The following ACOX2 variants were observed in gnomAD, a reference collection of about 807,000 sequenced individuals.
The protein encoded by ACOX2 is peroxisomal acyl-coenzyme A oxidase 2.
A neutral mutation model predicts 77.5 loss-of-function variants in ACOX2; 59 were observed. The observed-to-expected ratio is 0.76, with a 90% CI of 0.62 to 0.95. The LOEUF is 0.95. Ranked by LOEUF, ACOX2 falls within the 40% of genes least tolerant of loss-of-function variation. The probability of loss-of-function intolerance (pLI) is 0.00; values close to 1 mark genes in which losing one functional copy is unlikely to be tolerated. For missense variants in ACOX2, 837 were observed against 880.4 expected (o/e 0.95, Z 0.62); for synonymous variants, 317 against 340.1 (o/e 0.93, Z 0.75).
At position 58,517,135 on chromosome 3, in the gene ACOX2, G is replaced by C. The variant is rs1044507406; in HGVS notation, c.1850+71C>G. On this transcript the variant is annotated intron_variant, in intron 13 of 14. Transcript: ENST00000302819. Reference sequence around the variant, plus strand: ...GCCCATTAGCAAGGTTTTGGAGTTGGAAGTGACCTGTGAACAAGGGGTAGG... The same window carrying C: ...GCCCATTAGCAAGGTTTTGGAGTTGCAAGTGACCTGTGAACAAGGGGTAGG... 5 of 1,547,914 alleles carry C rather than the reference G, an allele frequency of 3.2e-6. No homozygotes were observed. The African/African-American group carries it at 6.8e-5, about 21-fold the overall frequency.
In ACOX2 at chr3:58,534,909, G is replaced by T. The variant is rs746987925; in HGVS notation, c.160+38C>A. On this transcript the variant is annotated intron_variant, in intron 2 of 14. Transcript: ENST00000302819. This position sits in a 1 kb window ranked among gnomAD's most constrained non-coding sequence, Gnocchi z 4.8. ...ACTCTTCTTACAAGAGAAGCATGGGGCATAAAACAGATGTCCCATTCCCCA... is the reference window on the plus strand; with the variant it reads ...ACTCTTCTTACAAGAGAAGCATGGGTCATAAAACAGATGTCCCATTCCCCA... The T allele has an allele frequency of 1.4e-5, 22 of 1,612,976 alleles. No homozygotes were observed. The South Asian group carries it at 2.3e-4, about 17-fold the overall frequency.
At chr3:58,513,751 G>A (rs2063303442) in intron 13 of ACOX2, among the ~76,000 whole-genome samples, 1 of 152,012 alleles carries the variant, frequency 6.6e-6, no homozygotes, top group Non-Finnish European at 1.5e-5. Context: ...GGTGTTTGGT[G>A]ATCCCTGAGT....
intron 5 of ACOX2, among the ~76,000 whole-genome samples, chr3:58,532,784 T>A (rs2108010995): frequency 6.6e-6 from 1 of 152,314 alleles, no homozygotes; most frequent in Admixed American, 6.5e-5. Flanking sequence ...CTCAGCATAT[T>A]TGTTTTAATT....
chr3:58,508,397 A>C (rs1212107127), intron 14 of ACOX2, among the ~76,000 whole-genome samples: 1 of 152,158 alleles, frequency 6.6e-6, no homozygotes, highest in Non-Finnish European at 1.5e-5. Context: ...TGTATTCCTT[A>C]GAGTGAAGAG....
intron 13 of ACOX2, among the ~76,000 whole-genome samples, chr3:58,513,177 T>C (rs1406119393): frequency 6.6e-6 from 1 of 152,160 alleles, no homozygotes; most frequent in African/African-American, 2.4e-5. Context: ...CTTTCTTTCA[T>C]GGTAGGTATT....
intron 13 of ACOX2, among the ~76,000 whole-genome samples, chr3:58,513,077 C>T (rs1173555385): frequency 6.6e-6 from 1 of 152,170 alleles, no homozygotes; most frequent in Non-Finnish European, 1.5e-5. Context: ...ATGTCACCCT[C>T]CCAGGGAGGC....
chr3:58,529,058 A>G, intron 8 of ACOX2, 102 bp from the exon 9 acceptor site: 1 of 1,266,318 alleles, frequency 7.9e-7, no homozygotes, highest in South Asian at 1.9e-5. Context: ...GTTCCTTAGA[A>G]CTCATTGCAA....
chr3:58,525,577 A>G lies in ACOX2; in HGVS notation c.1346+889T>C, dbSNP rs1039753049. Reference sequence around the variant, plus strand: ...TAGTCCCTGCCCTCAGGGAGCTCCTAATCTAGTTGGAGAGTAGAGCTAAAA... The same window carrying G: ...TAGTCCCTGCCCTCAGGGAGCTCCTGATCTAGTTGGAGAGTAGAGCTAAAA... On this transcript the variant is annotated intron_variant, in intron 10 of 14. Coordinates refer to ENST00000302819, the MANE Select transcript of ACOX2 (RefSeq NM_003500.4). This position sits in a 1 kb window ranked among gnomAD's most constrained non-coding sequence, Gnocchi z 5.0. Among the ~76,000 whole-genome samples, 1 of 152,212 alleles carries G rather than the reference A, an allele frequency of 6.6e-6. No individual in the cohort carries two copies. The highest frequency in any genetic ancestry group is 1.5e-5 in the Non-Finnish European group (1 of 68,050).
chr3:58,509,715 C>T lies in ACOX2; in HGVS notation c.1851-690G>A, dbSNP rs531520039. On this transcript the variant is annotated intron_variant, in intron 13 of 14. Coordinates refer to ENST00000302819, the MANE Select transcript of ACOX2 (RefSeq NM_003500.4). ...CTACCTCCCGGGCTCAAGCCATTCT[C>T]CTGCCTCAACCTCCCGAGTAGTTGG... 1.6e-4 allele frequency among the ~76,000 whole-genome samples: 24 copies of T among 148,200 alleles called. No individual in the cohort carries two copies. The East Asian group carries it at 4.8e-3, about 29-fold the overall frequency.
Position 58,522,377 on chromosome 3 carries a change from A to T in ACOX2, c.1632+119T>A, listed in dbSNP as rs1358494776. ...GGACTAAAGCCTTGGAAGTGAAATG[A>T]GGGCAGCCGCCACTGAAGCAGAGTT... is the stretch of plus-strand genomic sequence containing the variant. On this transcript the variant is annotated intron_variant, in intron 12 of 14. Transcript: ENST00000302819. The surrounding 1 kb of genome is among the most constrained non-coding windows in gnomAD (Gnocchi z 4.3). 2.2e-6 allele frequency: 2 copies of T among 912,158 alleles called. No homozygotes were observed. The highest frequency in any genetic ancestry group is 3.4e-6 in the Non-Finnish European group (2 of 584,448). 56.5% of individuals were successfully genotyped at this position (912,158 alleles called of 1,614,324 possible).
At chr3:58,508,774 T>C (rs1560208575) in intron 14 of ACOX2, 119 bp downstream of exon 14, 1 of 1,322,664 alleles carries the variant, frequency 7.6e-7, no homozygotes, top group Non-Finnish European at 1.0e-6. Flanking sequence ...TAAACAGACG[T>C]GCTACGCCAA....
intron 14 of ACOX2, among the ~76,000 whole-genome samples, chr3:58,506,592 A>C (rs988884699): frequency 2.0e-5 from 3 of 152,178 alleles, no homozygotes; most frequent in African/African-American, 7.2e-5. Flanking sequence ...TAGGAGTTTG[A>C]GACCAGCCTG....
chr3:58,528,731 T>A lies in ACOX2; in HGVS notation c.1155+63A>T. On this transcript the variant is annotated intron_variant, in intron 9 of 14. Transcript: ENST00000302819. This position sits in a 1 kb window ranked among gnomAD's most constrained non-coding sequence, Gnocchi z 5.6. ...GGATGGGGCTGTGGCTGCTCCCCAG[T>A]GAGTGGAACAATCTTAGCTCCCAGC... 1 of 1,505,476 alleles carries A rather than the reference T, an allele frequency of 6.6e-7. No homozygotes were observed. The allele number at this position is 1,505,476 out of a possible 1,614,324, so 93.3% of individuals were successfully genotyped here. A position where few individuals can be genotyped will look rare whatever the true frequency, so the allele number is the denominator to read the frequency against.
rs2063412836 is a variant in ACOX2, at chr3:58,528,444, G to A, written c.1155+350C>T. The stretch of plus-strand genomic sequence containing the variant: ...TTACTGCAAAATGTATTCACACTCA[G>A]AGGGATAAATCAGGTCAGTTCAGGT... On this transcript the variant is annotated intron_variant, in intron 9 of 14. Coordinates refer to ENST00000302819, the MANE Select transcript of ACOX2 (RefSeq NM_003500.4). The surrounding 1 kb of genome is among the most constrained non-coding windows in gnomAD (Gnocchi z 5.6). Among the ~76,000 whole-genome samples the A allele has an allele frequency of 6.6e-6, 1 of 152,238 alleles. No homozygotes were observed. Among genetic ancestry groups the A allele is most frequent in the Non-Finnish European group, 1.5e-5 (1 of 68,042 alleles).
Position 58,526,677 on chromosome 3 carries a change from G to A in ACOX2, c.1156-21C>T, listed in dbSNP as rs554563773. ...TGGAGCTGTGAGAACATGGAGGGGG[G>A]TTGGGCGGTGTTAGGGGGCCTCCAC... On this transcript the variant is annotated intron_variant, in intron 9 of 14. Coordinates refer to ENST00000302819, the MANE Select transcript of ACOX2 (RefSeq NM_003500.4). This position sits in a 1 kb window ranked among gnomAD's most constrained non-coding sequence, Gnocchi z 4.3. 10 of 1,608,902 alleles carry A rather than the reference G, an allele frequency of 6.2e-6. No homozygotes were observed. Among genetic ancestry groups the A allele is most frequent in the South Asian group, 4.4e-5 (4 of 90,164 alleles).
Position 58,533,387 on chromosome 3 carries a change from C to T in ACOX2, c.583+58G>A. On this transcript the variant is annotated intron_variant, in intron 5 of 14. Transcript: ENST00000302819. The surrounding 1 kb of genome is among the most constrained non-coding windows in gnomAD (Gnocchi z 5.6). Reference sequence around the variant, plus strand: ...GGACCTCAAAGCCAGTGCTACTCTGCCCTCCAACATTCTTCTACTTGGGGA... The same window carrying T: ...GGACCTCAAAGCCAGTGCTACTCTGTCCTCCAACATTCTTCTACTTGGGGA... 1.3e-6 allele frequency: 2 copies of T among 1,485,010 alleles called. No homozygotes were observed. Among genetic ancestry groups the T allele is most frequent in the Non-Finnish European group, 1.9e-6 (2 of 1,066,742 alleles). The allele number at this position is 1,485,010 out of a possible 1,614,324, so 92.0% of individuals were successfully genotyped here. A position where few individuals can be genotyped will look rare whatever the true frequency, so the allele number is the denominator to read the frequency against.
In ACOX2 at chr3:58,533,238, C is replaced by A. The variant is rs2063454260; in HGVS notation, c.583+207G>T. On this transcript the variant is annotated intron_variant, in intron 5 of 14. Coordinates refer to ENST00000302819, the MANE Select transcript of ACOX2 (RefSeq NM_003500.4). This position sits in a 1 kb window ranked among gnomAD's most constrained non-coding sequence, Gnocchi z 5.6. ...CAAAGTTCCTTTGGGGACTTTCCAG[C>A]CACTCACTAATGAAATGTTTAATAT... is the stretch of plus-strand genomic sequence containing the variant. Among the ~76,000 whole-genome samples the A allele has an allele frequency of 6.6e-6, 1 of 152,096 alleles. No homozygotes were observed. The highest frequency in any genetic ancestry group is 2.4e-5 in the African/African-American group (1 of 41,394).
chr3:58,534,166 A>G lies in ACOX2; in HGVS notation c.324-21T>C, dbSNP rs1164711295. 2 of 1,613,418 alleles carry G rather than the reference A, an allele frequency of 1.2e-6. No homozygotes were observed. The highest frequency in any genetic ancestry group is 1.7e-6 in the Non-Finnish European group (2 of 1,179,862). ...GGGCTCTGTTGGGGAGAGATGCTGT[A>G]GTTGAGTAGCTTATTGGAGACAGGG... On this transcript the variant is annotated intron_variant, in intron 3 of 14. Coordinates refer to ENST00000302819, the MANE Select transcript of ACOX2 (RefSeq NM_003500.4). The surrounding 1 kb of genome is among the most constrained non-coding windows in gnomAD (Gnocchi z 4.8).
Position 58,526,108 on chromosome 3 carries a change from A to C in ACOX2, c.1346+358T>G, listed in dbSNP as rs1294718523. On this transcript the variant is annotated intron_variant, in intron 10 of 14. Coordinates refer to ENST00000302819, the MANE Select transcript of ACOX2 (RefSeq NM_003500.4). The surrounding 1 kb of genome is among the most constrained non-coding windows in gnomAD (Gnocchi z 4.3). ...AGGGGTCAGGTCACATGGACCTTGC[A>C]GGCCACAGCATAGAATATGTCATTT... Among the ~76,000 whole-genome samples, 1 of 152,160 alleles carries C rather than the reference A, an allele frequency of 6.6e-6. No individual in the cohort carries two copies. The highest frequency in any genetic ancestry group is 2.4e-5 in the African/African-American group (1 of 41,454).
Sources: gnomAD v4.1 joint callset for allele counts (sites outside exome capture counted in the v4.1 genomes callset) on GRCh38, gnomAD v4.1.1 for gene constraint, Gnocchi (gnomAD v3.1) non-coding constraint, MANE v1.5 for transcripts, NCBI Gene and HGNC (gene_info 2026-07-23, HGNC 2026-07-21) for gene names.